The following TMEM63B variants were observed in gnomAD, a reference collection of about 807,000 sequenced individuals.
The protein encoded by TMEM63B is transmembrane protein 63B.
In TMEM63B, 23 loss-of-function variants were observed where a neutral mutation model predicts 102.6. That is an observed-to-expected ratio of 0.22 (90% confidence interval 0.16 to 0.32). The LOEUF (loss-of-function observed/expected upper bound fraction) is 0.32, where lower values mean the gene tolerates loss of function less well. Among genes scored for constraint, TMEM63B ranks in the 10% least tolerant of loss-of-function variants. The pLI is 1.00. For synonymous variants in TMEM63B, 444 were observed against 437.0 expected, an observed-to-expected ratio of 1.02 and a Z score of -0.20; for missense variants, 628 against 1,095.9, an observed-to-expected ratio of 0.57 and a Z score of 6.03.
At chr6:44,142,044 C>A (rs879477816) in intron 10 of TMEM63B, among the ~76,000 whole-genome samples, 1 of 151,910 alleles carries the variant, frequency 6.6e-6, no homozygotes, top group African/African-American at 2.4e-5. Flanking sequence ...ATCGCTTGAA[C>A]CCAGGAGGTC....
In TMEM63B at chr6:44,154,683, C is replaced by T. The variant is rs778622130; in HGVS notation, c.2308-9C>T. 5 of 1,427,604 alleles carry T rather than the reference C, an allele frequency of 3.5e-6. No homozygotes were observed. The African/African-American group carries it at 9.2e-5, about 26-fold the overall frequency. 88.4% of individuals were successfully genotyped at this position (1,427,604 alleles called of 1,614,324 possible). ...GTTCACCTTGCCCCCATTTCCTCTC[C>T]TCCTTCAGAAATACATCGCTCAGGT... On this transcript the variant is annotated splice_polypyrimidine_tract_variant and intron_variant, in intron 23 of 23. Transcript: ENST00000323267.
chr6:44,149,737 T>G, intron 15 of TMEM63B, 122 bp from the exon 16 acceptor site: 1 of 737,460 alleles, frequency 1.4e-6, no homozygotes, highest in Non-Finnish European at 2.3e-6. Context: ...TGTTCTGGGC[T>G]TCCAACATGG....
At chr6:44,127,536 C>T (rs1777379948), upstream of TMEM63B, 1 of 141,934 alleles carries the variant, frequency 7.0e-6, no homozygotes, top group African/African-American at 2.6e-5. Context: ...CCCTCCCTCC[C>T]CCCGCTCCCC....
intron 12 of TMEM63B, 35 bp downstream of exon 12, chr6:44,147,535 T>C (rs747153286): frequency 6.2e-7 from 1 of 1,610,640 alleles, no homozygotes; most frequent in African/African-American, 1.3e-5. Flanking sequence ...TCGGGAGAAG[T>C]TGGACAGGTC....
chr6:44,153,881 C>A, intron 21 of TMEM63B, 38 bp downstream of exon 21: 1 of 1,598,986 alleles, frequency 6.3e-7, no homozygotes, highest in Non-Finnish European at 8.5e-7. Context: ...GGGTGGCGAG[C>A]AGAGTGGATT....
rs780416151 is a variant in TMEM63B, at chr6:44,139,709, G to A, written c.552G>A (p.Glu184=). ...CCTCTCCCTCTTCCCACCCCACAGA[G>A]AACAATGCCTACAGCTTTGGGAGAA... ...LPVNFSGDLL[E]NNAYSFGRTT... The change falls in exon 8 of 24, where the codon GAG becomes GAA. Residue 184 remains glutamate (E), a splice_region_variant and synonymous_variant. Transcript: ENST00000323267. 3 of 1,614,062 alleles carry A rather than the reference G, an allele frequency of 1.9e-6. No homozygotes were observed. Among genetic ancestry groups the A allele is most frequent in the African/African-American group, 2.7e-5 (2 of 74,920 alleles).
intron 9 of TMEM63B, 49 bp from the exon 10 acceptor site, chr6:44,140,979 T>C: frequency 6.4e-7 from 1 of 1,562,170 alleles, no homozygotes; most frequent in Non-Finnish European, 8.8e-7. Flanking sequence ...ATCCCCTGGC[T>C]CCACTGGGGT....
Position 44,153,272 on chromosome 6 carries a change from T to C in TMEM63B, c.1943-404T>C, listed in dbSNP as rs113951809. On this transcript the variant is annotated intron_variant, in intron 20 of 23. Coordinates refer to ENST00000323267, the MANE Select transcript of TMEM63B (RefSeq NM_018426.3). ...TAACTCCTTAACCAACCCTCCCTGG[T>C]TATTGAAGGCTCCAAGTTCCCAAAC... 1.5e-3 allele frequency among the ~76,000 whole-genome samples: 222 copies of C among 152,334 alleles called. 3 individuals are homozygous for C. Among genetic ancestry groups the C allele is most frequent in the African/African-American group, 5.1e-3 (210 of 41,566 alleles).
At chr6:44,146,376 C>T (rs1309059120) in intron 10 of TMEM63B, among the ~76,000 whole-genome samples, 1 of 151,172 alleles carries the variant, frequency 6.6e-6, no homozygotes, top group Non-Finnish European at 1.5e-5. Flanking sequence ...TGAGGAGGAA[C>T]TCCAAAGCTT....
intron 23 of TMEM63B, 28 bp from the exon 24 acceptor site, chr6:44,154,664 C>T: frequency 6.6e-7 from 1 of 1,518,388 alleles, no homozygotes; most frequent in Non-Finnish European, 8.8e-7. Context: ...AGCTGTTCAC[C>T]TTGCCCCCAT....
Position 44,150,636 on chromosome 6 carries a change from G to T in TMEM63B, c.1673+7G>T, listed in dbSNP as rs776733294. 1 of 1,613,952 alleles carries T rather than the reference G, an allele frequency of 6.2e-7. No individual in the cohort carries two copies. Among genetic ancestry groups the T allele is most frequent in the South Asian group, 1.1e-5 (1 of 91,004 alleles). On this transcript the variant is annotated splice_region_variant and intron_variant, in intron 18 of 23. Coordinates refer to ENST00000323267, the MANE Select transcript of TMEM63B (RefSeq NM_018426.3). The surrounding 1 kb of genome is among the most constrained non-coding windows in gnomAD (Gnocchi z 4.7). ...AGGCAGCTATTCGGTTTGAGTGAGT[G>T]ACTGGGGCCCCTAGGGAAAGAGACC...
At chr6:44,145,765 A>G (rs1357652496) in intron 10 of TMEM63B, among the ~76,000 whole-genome samples, 3 of 151,962 alleles carry the variant, frequency 2.0e-5, no homozygotes, top group Non-Finnish European at 4.4e-5. Context: ...ACAAGACCCC[A>G]TCTCAGAATA....
chr6:44,146,670 C>T (rs766598787), intron 10 of TMEM63B, among the ~76,000 whole-genome samples, 177 bp from the exon 11 acceptor site: 1 of 152,050 alleles, frequency 6.6e-6, no homozygotes. Context: ...AGGCTGGTTT[C>T]GAACTCCTGA....
chr6:44,153,647 G>C, intron 20 of TMEM63B, 29 bp from the exon 21 acceptor site: 1 of 1,601,824 alleles, frequency 6.2e-7, no homozygotes, highest in Non-Finnish European at 8.5e-7. Context: ...CACTGGTTCC[G>C]AGGTCAGGGC....
intron 10 of TMEM63B, among the ~76,000 whole-genome samples, chr6:44,144,596 C>T (rs933003546): frequency 2.0e-5 from 3 of 150,794 alleles, no homozygotes. Context: ...AAAAAAAAAA[C>T]AATTTTTTTT....
chr6:44,146,199 T>G (rs909262777), intron 10 of TMEM63B, among the ~76,000 whole-genome samples: 1 of 152,168 alleles, frequency 6.6e-6, no homozygotes, highest in Non-Finnish European at 1.5e-5. Flanking sequence ...TATGACTAGA[T>G]GCAATTTTTT....
intron 10 of TMEM63B, among the ~76,000 whole-genome samples, chr6:44,145,636 A>G (rs1430095310): frequency 6.6e-6 from 1 of 151,814 alleles, no homozygotes; most frequent in African/African-American, 2.4e-5. Flanking sequence ...GAAACAAAAA[A>G]CAAAAAGAAA....
intron 9 of TMEM63B, chr6:44,140,583 C>T (rs1307780722): frequency 4.6e-6 from 3 of 652,064 alleles, no homozygotes; most frequent in South Asian, 1.6e-5. Context: ...GTGGGGAATA[C>T]ACAGAAACAG....
intron 5 of TMEM63B, among the ~76,000 whole-genome samples, chr6:44,137,947 G>T (rs543760805): frequency 2.6e-5 from 4 of 152,084 alleles, no homozygotes; most frequent in Non-Finnish European, 2.9e-5. Flanking sequence ...TGATCCGCCC[G>T]CCTTGGCCTC....
Sources: allele counts gnomAD v4.1 joint callset (sites outside exome capture counted in the v4.1 genomes callset), GRCh38; gene constraint gnomAD v4.1.1; non-coding constraint Gnocchi (gnomAD v3.1); transcripts MANE v1.5; gene names NCBI Gene and HGNC (gene_info 2026-07-23, HGNC 2026-07-21).